Variants in TTC7B observed in about 807,000 individuals in gnomAD.
The protein encoded by TTC7B is tetratricopeptide repeat protein 7B.
In TTC7B, 28 loss-of-function variants were observed where a neutral mutation model predicts 106.8. That is an observed-to-expected ratio of 0.26 (90% CI 0.19 to 0.36). The LOEUF is 0.36. Among genes scored for constraint, TTC7B ranks in the 10% least tolerant of loss-of-function variants. TTC7B has a pLI of 1.00. For synonymous variants in TTC7B, 405 were observed against 430.6 expected, an observed-to-expected ratio of 0.94 and a Z score of 0.74; for missense variants, 862 against 1,076.4, an observed-to-expected ratio of 0.80 and a Z score of 2.79.
Position 90,802,657 on chromosome 14 carries a change from C to T in TTC7B, c.121+13518G>A, listed in dbSNP as rs1457755062. Among the ~76,000 whole-genome samples, 1 of 152,168 alleles carries T rather than the reference C, an allele frequency of 6.6e-6. No homozygotes were observed. On this transcript the variant is annotated intron_variant, in intron 1 of 19. Transcript: ENST00000328459. This position sits in a 1 kb window ranked among gnomAD's most constrained non-coding sequence, Gnocchi z 4.7. ...ACACTTTGGAGCATGGGAATCCGAC[C>T]TACTGAAGAGCGGCGGTGCTCCTCC...
chr14:90,669,902 A>G (rs1038110725), intron 9 of TTC7B, among the ~76,000 whole-genome samples: 37 of 152,210 alleles, frequency 2.4e-4, no homozygotes, highest in Non-Finnish European at 1.0e-4. Context: ...TAGAATTATC[A>G]TATGACCAAG....
At chr14:90,678,265 C>T (rs1288968057) in intron 8 of TTC7B, among the ~76,000 whole-genome samples, 5 of 152,178 alleles carry the variant, frequency 3.3e-5, no homozygotes, top group Non-Finnish European at 5.9e-5. Context: ...TAATCCCATT[C>T]TCCTAGGGGA....
chr14:90,713,275 C>T (rs1473021241), intron 5 of TTC7B, among the ~76,000 whole-genome samples: 1 of 152,032 alleles, frequency 6.6e-6, no homozygotes, highest in East Asian at 1.9e-4. Flanking sequence ...ACCACCATGC[C>T]CCACTAATTT....
intron 4 of TTC7B, among the ~76,000 whole-genome samples, chr14:90,744,321 C>T (rs1056513702): frequency 6.6e-6 from 1 of 151,880 alleles, no homozygotes; most frequent in African/African-American, 2.4e-5. Flanking sequence ...TTCTTTCTTT[C>T]TTTTTTTTAT....
intron 6 of TTC7B, among the ~76,000 whole-genome samples, chr14:90,692,616 G>A (rs1442703545): frequency 2.0e-5 from 3 of 152,090 alleles, no homozygotes; most frequent in Non-Finnish European, 1.5e-5. Flanking sequence ...TTTTAAATGC[G>A]CTTTTAAAAC....
In TTC7B at chr14:90,533,907, C is replaced by A. The variant is rs962628531; in HGVS notation, c.*7461G>T. On this transcript the variant is annotated 3_prime_UTR_variant, in exon 20 of 20. Coordinates refer to ENST00000328459, the MANE Select transcript of TTC7B (RefSeq NM_001010854.2). ...GGAGGAGTCCTGCCTGCTGGCCTGGCCCTGAGGCCCTGTGTGGTGGTCCTG... is the reference window on the plus strand; with the variant it reads ...GGAGGAGTCCTGCCTGCTGGCCTGGACCTGAGGCCCTGTGTGGTGGTCCTG... The A allele has an allele frequency of 6.6e-6, 1 of 152,170 alleles. No individual in the cohort carries two copies. Among genetic ancestry groups the A allele is most frequent in the Non-Finnish European group, 1.5e-5 (1 of 68,156 alleles). The allele number at this position is 152,170 out of a possible 1,614,324, so 9.4% of individuals were successfully genotyped here.
Position 90,578,257 on chromosome 14 carries a change from T to C in TTC7B, c.2159A>G (p.Gln720Arg), listed in dbSNP as rs1891344065. 6.2e-7 allele frequency: 1 copy of C among 1,614,196 alleles called. No individual in the cohort carries two copies. ...CATTGGGAAGAGGTTGGCAGCTTCT[T>C]GGGTACAGGCTGTGGCTTCTGCAGG... ...GKPAEATACTQEAANLFPMSH... is the reference protein window; with the variant it reads ...GKPAEATACTREAANLFPMSH... The change falls in exon 19 of 20, where the codon CAA becomes CGA. Residue 720 changes from glutamine (Q) to arginine (R), a missense_variant. Transcript: ENST00000328459. This position sits in a 1 kb window ranked among gnomAD's most constrained non-coding sequence, Gnocchi z 4.7.
chr14:90,693,304 A>T (rs769594094), intron 6 of TTC7B, among the ~76,000 whole-genome samples: 1 of 152,146 alleles, frequency 6.6e-6, no homozygotes, highest in Non-Finnish European at 1.5e-5. Context: ...GTCCCTAGAT[A>T]GGAAAGTGAA....
At chr14:90,620,127 C>A (rs1279204036) in intron 15 of TTC7B, among the ~76,000 whole-genome samples, 1 of 152,066 alleles carries the variant, frequency 6.6e-6, no homozygotes, top group Non-Finnish European at 1.5e-5. Context: ...CCCAGTGGGG[C>A]CACGGCTGCA....
chr14:90,598,034 G>T (rs2139826927), intron 17 of TTC7B, among the ~76,000 whole-genome samples: 1 of 152,346 alleles, frequency 6.6e-6, no homozygotes, highest in Admixed American at 6.5e-5. Context: ...GGGCCATGGT[G>T]CATCTCTCAT....
rs1303095965 is a variant in TTC7B, at chr14:90,575,440, C to A, written c.2310+2666G>T. ...ACGTGAAGACCCCCTTCCTCCCTTCCTCCATCGAAGGGCACAGAAACACAG... is the reference window on the plus strand; with the variant it reads ...ACGTGAAGACCCCCTTCCTCCCTTCATCCATCGAAGGGCACAGAAACACAG... On this transcript the variant is annotated intron_variant, in intron 19 of 19. Transcript: ENST00000328459. This position sits in a 1 kb window ranked among gnomAD's most constrained non-coding sequence, Gnocchi z 5.2. Among the ~76,000 whole-genome samples, 1 of 152,218 alleles carries A rather than the reference C, an allele frequency of 6.6e-6. No homozygotes were observed. Among genetic ancestry groups the A allele is most frequent in the Non-Finnish European group, 1.5e-5 (1 of 68,036 alleles).
At chr14:90,556,294 G>A (rs866380095) in intron 19 of TTC7B, among the ~76,000 whole-genome samples, 4 of 152,130 alleles carry the variant, frequency 2.6e-5, no homozygotes, top group Admixed American at 6.5e-5. Flanking sequence ...ACATTCCAGA[G>A]TCTCCAGCCT....
chr14:90,708,453 G>C (rs1888304281), intron 5 of TTC7B, among the ~76,000 whole-genome samples: 1 of 152,124 alleles, frequency 6.6e-6, no homozygotes, highest in African/African-American at 2.4e-5. Flanking sequence ...GAAAATCCTA[G>C]GGCCCTTAAG....
intron 15 of TTC7B, 142 bp downstream of exon 15, chr14:90,643,906 A>G: frequency 2.7e-6 from 3 of 1,105,398 alleles, no homozygotes; most frequent in Non-Finnish European, 2.6e-6. Context: ...TAATATCAGG[A>G]AAAAATAACA....
At chr14:90,662,350 C>G (rs1246744375) in intron 9 of TTC7B, among the ~76,000 whole-genome samples, 2 of 152,356 alleles carry the variant, frequency 1.3e-5, no homozygotes, top group Non-Finnish European at 2.9e-5. Flanking sequence ...GTTCCAGTCT[C>G]TTCTTCAGCC....
At chr14:90,766,984 A>T in intron 3 of TTC7B, 1 of 1,339,228 alleles carries the variant, frequency 7.5e-7, no homozygotes, top group Non-Finnish European at 1.1e-6. Flanking sequence ...GTCCAAGAAG[A>T]AATAAGTCTG....
chr14:90,646,694 C>T, intron 14 of TTC7B: 1 of 475,452 alleles, frequency 2.1e-6, no homozygotes, highest in Non-Finnish European at 3.9e-6. Flanking sequence ...AGGTTGCCAT[C>T]TGACCCTAGC....
At chr14:90,736,851 C>T (rs1462843600) in intron 4 of TTC7B, among the ~76,000 whole-genome samples, 7 of 145,630 alleles carry the variant, frequency 4.8e-5, no homozygotes, top group Admixed American at 7.1e-5. Context: ...ATGATCACCC[C>T]ACTACACTCC....
At chr14:90,736,816 C>T (rs1889549350) in intron 4 of TTC7B, among the ~76,000 whole-genome samples, 1 of 148,252 alleles carries the variant, frequency 6.7e-6, no homozygotes, top group African/African-American at 2.5e-5. Flanking sequence ...CTCTTGAGCC[C>T]AGGAGTTTGA....
Sources: allele counts gnomAD v4.1 joint callset (sites outside exome capture counted in the v4.1 genomes callset), GRCh38; gene constraint gnomAD v4.1.1; non-coding constraint Gnocchi (gnomAD v3.1); transcripts MANE v1.5; gene names NCBI Gene and HGNC (gene_info 2026-07-23, HGNC 2026-07-21).